Variants in PARD3 observed in about 807,000 individuals in gnomAD.
PARD3 encodes the protein par-3 family cell polarity regulator.
Under a neutral mutation model 155.4 loss-of-function variants are expected in PARD3, and 75 were observed. The ratio of observed to expected loss-of-function variants is 0.48; its 90% CI spans 0.40 to 0.58. The LOEUF (loss-of-function observed/expected upper bound fraction) is 0.58, where lower values mean the gene tolerates loss of function less well. Among genes scored for constraint, PARD3 ranks in the 20% least tolerant of loss-of-function variants. The probability of loss-of-function intolerance (pLI) is 0.00; values close to 1 mark genes in which losing one functional copy is unlikely to be tolerated. For missense variants in PARD3, 1,642 were observed against 1,721.7 expected (o/e 0.95, Z 0.82); for synonymous variants, 576 against 610.5 (o/e 0.94, Z 0.83).
intron 12 of PARD3, among the ~76,000 whole-genome samples, chr10:34,367,493 C>T (rs1480785242): frequency 6.6e-6 from 1 of 152,022 alleles, no homozygotes; most frequent in African/African-American, 2.4e-5. Flanking sequence ...ATCACGAGGT[C>T]AAGAGATCAA....
At chr10:34,628,464 G>A (rs2092093580) in intron 2 of PARD3, among the ~76,000 whole-genome samples, 1 of 152,246 alleles carries the variant, frequency 6.6e-6, no homozygotes. Flanking sequence ...TTTAGGCTTT[G>A]CAGGCAATAT....
intron 1 of PARD3, among the ~76,000 whole-genome samples, chr10:34,774,490 C>A (rs570356534): frequency 6.6e-6 from 1 of 152,040 alleles, no homozygotes; most frequent in Non-Finnish European, 1.5e-5. Context: ...AGAAGAAACG[C>A]ATCTGGCCTG....
chr10:34,154,164 A>G (rs927215210), intron 22 of PARD3, among the ~76,000 whole-genome samples: 1 of 152,146 alleles, frequency 6.6e-6, no homozygotes, highest in African/African-American at 2.4e-5. Context: ...GTTCTCACAC[A>G]TAAAGCAATT....
chr10:34,338,633 A>C (rs1836462067), intron 16 of PARD3, among the ~76,000 whole-genome samples: 1 of 152,178 alleles, frequency 6.6e-6, no homozygotes, highest in South Asian at 2.1e-4. Flanking sequence ...TACTAGTAAA[A>C]AAACAGTCAA....
At chr10:34,629,994 G>C (rs1413426279) in intron 2 of PARD3, among the ~76,000 whole-genome samples, 2 of 152,222 alleles carry the variant, frequency 1.3e-5, no homozygotes, top group African/African-American at 4.8e-5. Context: ...CCCCAACTGT[G>C]GTCAGCGAAA....
intron 4 of PARD3, among the ~76,000 whole-genome samples, chr10:34,466,969 G>C (rs1028900089): frequency 3.9e-5 from 6 of 151,968 alleles, no homozygotes; most frequent in Non-Finnish European, 5.9e-5. Context: ...TATCATATGC[G>C]AATATCACTT....
intron 5 of PARD3, among the ~76,000 whole-genome samples, chr10:34,437,230 C>CA (rs1254922103): frequency 1.3e-5 from 2 of 151,740 alleles, no homozygotes; most frequent in Non-Finnish European, 2.9e-5. Flanking sequence ...ATCATCAACT[C>CA]AAAAAAACAA....
intron 2 of PARD3, among the ~76,000 whole-genome samples, chr10:34,540,235 G>A (rs1460618614): frequency 6.6e-6 from 1 of 151,910 alleles, no homozygotes; most frequent in Non-Finnish European, 1.5e-5. Context: ...CCAGGACCTA[G>A]AACAGTGTCT....
intron 2 of PARD3, among the ~76,000 whole-genome samples, chr10:34,605,555 ATCTCC>A (rs1211884573): frequency 1.1e-3 from 79 of 69,876 alleles, no homozygotes; most frequent in African/African-American, 2.3e-3. Context: ...ATATATATAT[ATCTCC>A]TATATATATA....
At chr10:34,383,610 T>G (rs1161894726) in intron 8 of PARD3, among the ~76,000 whole-genome samples, 1 of 152,206 alleles carries the variant, frequency 6.6e-6, no homozygotes, top group East Asian at 1.9e-4. Flanking sequence ...GAGTTCTGTT[T>G]GCTCCTGCCT....
intron 24 of PARD3, among the ~76,000 whole-genome samples, chr10:34,114,673 C>T (rs2132641390): frequency 6.6e-6 from 1 of 152,286 alleles, no homozygotes; most frequent in Non-Finnish European, 1.5e-5. Context: ...TTAGCTTTCC[C>T]TTCCTTGGTT....
chr10:34,633,126 T>A (rs2092337091), intron 2 of PARD3, among the ~76,000 whole-genome samples: 1 of 152,208 alleles, frequency 6.6e-6, no homozygotes, highest in Admixed American at 6.5e-5. Flanking sequence ...ATAAATCAAG[T>A]TAACTAACAT....
At chr10:34,236,037 ATGT>A (rs1436075476) in intron 22 of PARD3, among the ~76,000 whole-genome samples, 1 of 152,196 alleles carries the variant, frequency 6.6e-6, no homozygotes, top group Non-Finnish European at 1.5e-5. Context: ...TGAATGCCAA[ATGT>A]TGGAATCAGA....
intron 2 of PARD3, among the ~76,000 whole-genome samples, chr10:34,541,821 C>T (rs1471811078): frequency 6.6e-6 from 1 of 152,126 alleles, no homozygotes; most frequent in Non-Finnish European, 1.5e-5. Flanking sequence ...CTTGGTATGC[C>T]TCGCTGTAAG....
intron 1 of PARD3, among the ~76,000 whole-genome samples, chr10:34,750,921 T>A (rs1324234546): frequency 6.6e-6 from 1 of 152,186 alleles, no homozygotes; most frequent in Non-Finnish European, 1.5e-5. Context: ...ACTCCTGACC[T>A]CAAGTGATCT....
intron 10 of PARD3, among the ~76,000 whole-genome samples, chr10:34,375,536 A>G (rs1841141981): frequency 1.3e-5 from 2 of 152,206 alleles, no homozygotes; most frequent in South Asian, 2.1e-4. Flanking sequence ...CTACAAAACA[A>G]TATTTTTTAG....
At chr10:34,365,533 A>G (rs1839876887) in intron 12 of PARD3, among the ~76,000 whole-genome samples, 1 of 152,206 alleles carries the variant, frequency 6.6e-6, no homozygotes, top group Admixed American at 6.5e-5. Context: ...CAATAATAGG[A>G]TATGTGGCTG....
Position 34,713,818 on chromosome 10 carries a change from T to C in PARD3, c.121-17399A>G, listed in dbSNP as rs1366539769. Among the ~76,000 whole-genome samples the C allele has an allele frequency of 2.0e-5, 3 of 151,818 alleles. No individual in the cohort carries two copies. In the East Asian group the frequency reaches 5.8e-4, roughly 29 times the overall value. On this transcript the variant is annotated intron_variant, in intron 1 of 24. Transcript: ENST00000374788. ...AACAACCCATAAACATAAAATAGGGTCACGGACATCTCCAGGCAGAGATCT... is the reference window on the plus strand; with the variant it reads ...AACAACCCATAAACATAAAATAGGGCCACGGACATCTCCAGGCAGAGATCT...
intron 2 of PARD3, among the ~76,000 whole-genome samples, chr10:34,523,018 C>A (rs754757998): frequency 3.3e-5 from 5 of 152,174 alleles, no homozygotes; most frequent in Admixed American, 1.3e-4. Context: ...ATTAATCAAA[C>A]GTAATAACCT....
Sources: allele counts gnomAD v4.1 joint callset (sites outside exome capture counted in the v4.1 genomes callset), GRCh38; gene constraint gnomAD v4.1.1; transcripts MANE v1.5; gene names NCBI Gene and HGNC (gene_info 2026-07-23, HGNC 2026-07-21).